Variants in SIL1 observed in about 807,000 individuals in gnomAD.
SIL1 encodes the protein nucleotide exchange factor SIL1.
A neutral mutation model predicts 49.1 loss-of-function variants in SIL1; 40 were observed. The ratio of observed to expected loss-of-function variants is 0.81; its 90% CI spans 0.63 to 1.06. The LOEUF is 1.06. Ranked by LOEUF, SIL1 falls within the 50% of genes least tolerant of loss-of-function variation. The pLI, the probability that SIL1 is intolerant of heterozygous loss-of-function variation, is 0.00. For missense variants in SIL1, 500 were observed against 572.6 expected, an observed-to-expected ratio of 0.87 and a Z score of 1.29; for synonymous variants, 253 against 250.8, an observed-to-expected ratio of 1.01 and a Z score of -0.08.
intron 5 of SIL1, among the ~76,000 whole-genome samples, chr5:139,027,740 TAG>T (rs1768693131): frequency 6.6e-6 from 1 of 152,226 alleles, no homozygotes; most frequent in Non-Finnish European, 1.5e-5. Flanking sequence ...TTTGAGAAGA[TAG>T]TGCCTATAAA....
chr5:138,961,588 T>C (rs1318563710), intron 7 of SIL1, among the ~76,000 whole-genome samples: 1 of 151,916 alleles, frequency 6.6e-6, no homozygotes, highest in Admixed American at 6.6e-5. Flanking sequence ...GTTTCCCAGG[T>C]CTCACCCATC....
intron 7 of SIL1, among the ~76,000 whole-genome samples, chr5:138,963,320 C>T (rs570379225): frequency 6.6e-6 from 1 of 152,284 alleles, no homozygotes; most frequent in South Asian, 2.1e-4. Context: ...CTCCACATCC[C>T]CTCACCCTCC....
intron 3 of SIL1, among the ~76,000 whole-genome samples, chr5:139,102,404 G>C (rs942131731): frequency 6.7e-5 from 10 of 149,074 alleles, no homozygotes; most frequent in African/African-American, 2.5e-4. Context: ...TGATTTTGTT[G>C]TTGTTGTTGT....
At chr5:139,083,230 G>A (rs889776725) in intron 3 of SIL1, among the ~76,000 whole-genome samples, 12 of 152,206 alleles carry the variant, frequency 7.9e-5, no homozygotes, top group Non-Finnish European at 1.5e-5. Context: ...CTTGAAGGTT[G>A]AGGACAATTT....
At chr5:139,042,494 T>C (rs1038341370) in intron 5 of SIL1, 126 bp downstream of exon 5, 2 of 865,612 alleles carry the variant, frequency 2.3e-6, no homozygotes, top group Admixed American at 1.9e-5. Context: ...TAATGTTCTT[T>C]AAATTATTTT....
intron 3 of SIL1, among the ~76,000 whole-genome samples, chr5:139,088,755 G>C (rs1294892304): frequency 6.6e-6 from 1 of 152,230 alleles, no homozygotes; most frequent in Non-Finnish European, 1.5e-5. Context: ...AGGACAGCCT[G>C]TAACTAGTGA....
intron 3 of SIL1, among the ~76,000 whole-genome samples, chr5:139,116,614 CATAGAT>C (rs1437700427): frequency 6.6e-6 from 1 of 152,194 alleles, no homozygotes; most frequent in African/African-American, 2.4e-5. Flanking sequence ...GGTGTATATA[CATAGAT>C]ATATATTTTT....
At chr5:139,052,859 G>T (rs1174176733) in intron 3 of SIL1, among the ~76,000 whole-genome samples, 1 of 152,188 alleles carries the variant, frequency 6.6e-6, no homozygotes, top group East Asian at 1.9e-4. Context: ...CACAGAAGCT[G>T]AGGAGAGACT....
intron 7 of SIL1, among the ~76,000 whole-genome samples, chr5:139,003,848 T>A (rs534410560): frequency 6.6e-6 from 1 of 152,208 alleles, no homozygotes; most frequent in Non-Finnish European, 1.5e-5. Flanking sequence ...ATACTCTTTC[T>A]AATAACCTCA....
chr5:139,145,162 T>G (rs1265629854), intron 1 of SIL1, among the ~76,000 whole-genome samples: 1 of 152,088 alleles, frequency 6.6e-6, no homozygotes, highest in East Asian at 1.9e-4. Context: ...CAACCTAATT[T>G]TAAAATGGGC....
chr5:139,146,175 A>G (rs999968904), intron 1 of SIL1, among the ~76,000 whole-genome samples: 1 of 152,246 alleles, frequency 6.6e-6, no homozygotes, highest in South Asian at 2.1e-4. Context: ...ATACTAAAAA[A>G]TTAAAAAACA....
intron 3 of SIL1, among the ~76,000 whole-genome samples, chr5:139,071,323 T>C (rs1397629091): frequency 6.6e-6 from 1 of 152,098 alleles, no homozygotes; most frequent in African/African-American, 2.4e-5. Context: ...CAAAACTTAG[T>C]CATAAACTAT....
chr5:139,194,189 T>G (rs924424562), intron 1 of SIL1, among the ~76,000 whole-genome samples: 1 of 152,250 alleles, frequency 6.6e-6, no homozygotes, highest in Non-Finnish European at 1.5e-5. Flanking sequence ...TTGTTGCTAC[T>G]GGATTCTGGG....
chr5:139,102,563 C>T (rs1182135116), intron 3 of SIL1, among the ~76,000 whole-genome samples: 1 of 151,782 alleles, frequency 6.6e-6, no homozygotes, highest in Non-Finnish European at 1.5e-5. Context: ...ATTCTCAACT[C>T]TCTAGGCATC....
At chr5:139,120,404 A>G (rs1750599199) in intron 3 of SIL1, among the ~76,000 whole-genome samples, 1 of 152,196 alleles carries the variant, frequency 6.6e-6, no homozygotes, top group Non-Finnish European at 1.5e-5. Flanking sequence ...TAAGGATAAT[A>G]ATAGTTCCTA....
chr5:139,125,784 T>C (rs748080884), intron 2 of SIL1, among the ~76,000 whole-genome samples: 22 of 152,254 alleles, frequency 1.4e-4, no homozygotes, highest in Non-Finnish European at 2.5e-4. Context: ...AAGGCTCCAC[T>C]ACTGTACCCG....
intron 7 of SIL1, among the ~76,000 whole-genome samples, chr5:138,975,557 G>A (rs181419803): frequency 2.0e-5 from 3 of 152,162 alleles, no homozygotes; most frequent in African/African-American, 4.8e-5. Flanking sequence ...TCTCCAGCAC[G>A]GTCACCGGCG....
At chr5:139,011,372 T>C (rs983398340) in intron 7 of SIL1, among the ~76,000 whole-genome samples, 1 of 152,180 alleles carries the variant, frequency 6.6e-6, no homozygotes, top group African/African-American at 2.4e-5. Flanking sequence ...TGGCACTCCC[T>C]AGTGAGATGA....
intron 1 of SIL1, among the ~76,000 whole-genome samples, chr5:139,167,365 T>C (rs1048959974): frequency 1.3e-5 from 2 of 152,214 alleles, no homozygotes; most frequent in African/African-American, 4.8e-5. Flanking sequence ...AAGTGTGTGA[T>C]TGCCCCTGAA....
Sources: gnomAD v4.1 joint callset for allele counts (sites outside exome capture counted in the v4.1 genomes callset) on GRCh38, gnomAD v4.1.1 for gene constraint, MANE v1.5 for transcripts, NCBI Gene and HGNC (gene_info 2026-07-23, HGNC 2026-07-21) for gene names.